The following PCNP variants were observed in gnomAD, a reference collection of about 807,000 sequenced individuals.
PCNP encodes PEST proteolytic signal containing nuclear protein, also known as PEST proteolytic signal-containing nuclear protein.
Under a neutral mutation model 21.8 loss-of-function variants are expected in PCNP, and 6 were observed. The observed-to-expected ratio is 0.28, with a 90% CI of 0.15 to 0.54. The LOEUF is 0.54. Ranked by LOEUF, PCNP falls within the 20% of genes least tolerant of loss-of-function variation. The probability of loss-of-function intolerance (pLI) is 0.95; values close to 1 mark genes in which losing one functional copy is unlikely to be tolerated. For missense variants in PCNP, 161 were observed against 215.5 expected, an observed-to-expected ratio of 0.75 and a Z score of 1.58; for synonymous variants, 67 against 73.2, an observed-to-expected ratio of 0.92 and a Z score of 0.43.
rs185486460 is a variant in PCNP, at chr3:101,581,803, C to T, written c.279+1799C>T. ...TTGCCCAGGCTGCAGTGCAATGGTG[C>T]GATCTTGGCTCACTGCAACCTCTGA... is the stretch of plus-strand genomic sequence containing the variant. On this transcript the variant is annotated intron_variant, in intron 2 of 4. Coordinates refer to ENST00000265260, the MANE Select transcript of PCNP (RefSeq NM_020357.3). Among the ~76,000 whole-genome samples, 589 of 151,946 alleles carry T rather than the reference C, an allele frequency of 3.9e-3. 3 individuals are homozygous for T. Among genetic ancestry groups the T allele is most frequent in the South Asian group, 9.0e-3 (43 of 4,802 alleles).
At chr3:101,591,482 G>A (rs1318705532) in intron 4 of PCNP, among the ~76,000 whole-genome samples, 1 of 152,182 alleles carries the variant, frequency 6.6e-6, no homozygotes, top group African/African-American at 2.4e-5. Flanking sequence ...AGTCCCAGTG[G>A]CTGCCTGCAT....
chr3:101,576,545 G>A (rs1428652256), intron 1 of PCNP: 2 of 1,610,502 alleles, frequency 1.2e-6, no homozygotes, highest in Non-Finnish European at 1.7e-6. Flanking sequence ...GTCTTGGTGT[G>A]CTGGCCTCGG....
At chr3:101,587,794 A>G (rs1935609990) in intron 3 of PCNP, among the ~76,000 whole-genome samples, 1 of 152,104 alleles carries the variant, frequency 6.6e-6, no homozygotes, top group African/African-American at 2.4e-5. Flanking sequence ...TCAGATATGT[A>G]CAGACTGTAG....
At chr3:101,590,531 C>G (rs960783464) in intron 4 of PCNP, among the ~76,000 whole-genome samples, 1 of 152,128 alleles carries the variant, frequency 6.6e-6, no homozygotes, top group African/African-American at 2.4e-5. Context: ...AAATGAGTAT[C>G]TTAAGACATA....
chr3:101,588,855 C>G (rs1935665631), intron 3 of PCNP, among the ~76,000 whole-genome samples: 1 of 152,214 alleles, frequency 6.6e-6, no homozygotes, highest in Non-Finnish European at 1.5e-5. Context: ...CACATGCTAT[C>G]AATATGCCCC....
chr3:101,592,265 C>T lies in PCNP; in HGVS notation c.411-362C>T, dbSNP rs573588645. On this transcript the variant is annotated intron_variant, in intron 4 of 4. Coordinates refer to ENST00000265260, the MANE Select transcript of PCNP (RefSeq NM_020357.3). ...CTCGGCTCACTGCAACCTCTGCCTC[C>T]CAGGTTCAAGCAGTTGTCCTGCCTC... Among the ~76,000 whole-genome samples, 4 of 152,062 alleles carry T rather than the reference C, an allele frequency of 2.6e-5. No individual in the cohort carries two copies. The East Asian group carries it at 7.7e-4, about 29-fold the overall frequency.
At chr3:101,575,475 TG>T (rs1934824066) in intron 1 of PCNP, among the ~76,000 whole-genome samples, 1 of 148,022 alleles carries the variant, frequency 6.8e-6, no homozygotes, top group African/African-American at 2.6e-5. Flanking sequence ...CCCCACCCCC[TG>T]TCTTTTTTTT....
At chr3:101,585,813 C>T (rs1202286781) in intron 3 of PCNP, among the ~76,000 whole-genome samples, 1 of 152,032 alleles carries the variant, frequency 6.6e-6, no homozygotes, top group East Asian at 1.9e-4. Flanking sequence ...AATACTGTTG[C>T]CTTAATAATT....
intron 1 of PCNP, among the ~76,000 whole-genome samples, chr3:101,577,598 C>T (rs1934994182): frequency 6.6e-6 from 1 of 152,210 alleles, no homozygotes; most frequent in Non-Finnish European, 1.5e-5. Flanking sequence ...GATCTCAGCT[C>T]ACTGCAACCT....
chr3:101,585,182 T>C (rs1160636099), intron 2 of PCNP, among the ~76,000 whole-genome samples: 1 of 152,174 alleles, frequency 6.6e-6, no homozygotes, highest in Non-Finnish European at 1.5e-5. Flanking sequence ...GTAAGTGATA[T>C]TGTAGATCCT....
At chr3:101,590,973 C>G (rs913053772) in intron 4 of PCNP, among the ~76,000 whole-genome samples, 3 of 152,040 alleles carry the variant, frequency 2.0e-5, no homozygotes, top group African/African-American at 4.8e-5. Flanking sequence ...CAGACAGGAT[C>G]TTGCTGTGTT....
At chr3:101,589,725 C>A (rs1935710889) in intron 3 of PCNP, 1 of 160,188 alleles carries the variant, frequency 6.2e-6, no homozygotes, top group African/African-American at 2.4e-5. Context: ...AATGAGCTTT[C>A]AAGATGTCTT....
chr3:101,591,641 A>T (rs184807375), intron 4 of PCNP, among the ~76,000 whole-genome samples: 1 of 152,054 alleles, frequency 6.6e-6, no homozygotes, highest in Non-Finnish European at 1.5e-5. Context: ...TGTGTAATGT[A>T]TCTTCATGTT....
At chr3:101,590,721 T>C (rs1215424857) in intron 4 of PCNP, among the ~76,000 whole-genome samples, 1 of 151,972 alleles carries the variant, frequency 6.6e-6, no homozygotes, top group African/African-American at 2.4e-5. Context: ...ATTTTTTTTT[T>C]TATTTTTAGT....
chr3:101,589,267 T>G (rs1432224022), intron 3 of PCNP, among the ~76,000 whole-genome samples: 3 of 152,180 alleles, frequency 2.0e-5, no homozygotes, highest in Non-Finnish European at 4.4e-5. Context: ...CCAGTAGAAG[T>G]CCCTTTAAGC....
chr3:101,583,949 C>T (rs1480823291), intron 2 of PCNP, among the ~76,000 whole-genome samples: 1 of 151,790 alleles, frequency 6.6e-6, no homozygotes, highest in Non-Finnish European at 1.5e-5. Context: ...CAAGCATGAG[C>T]CCCTGTGCCC....
At position 101,577,307 on chromosome 3, in the gene PCNP, G is replaced by A. The variant is rs1934971575; in HGVS notation, c.65-2483G>A. 2.0e-5 allele frequency among the ~76,000 whole-genome samples: 3 copies of A among 152,096 alleles called. No homozygotes were observed. The South Asian group carries it at 6.2e-4, about 32-fold the overall frequency. ...GAAGAGCTAGTCATACATAATCATG[G>A]CCATCTCAAGCTTTTTTGGTTATAC... On this transcript the variant is annotated intron_variant, in intron 1 of 4. Coordinates refer to ENST00000265260, the MANE Select transcript of PCNP (RefSeq NM_020357.3).
At chr3:101,583,687 AC>A (rs1935350636) in intron 2 of PCNP, among the ~76,000 whole-genome samples, 1 of 151,930 alleles carries the variant, frequency 6.6e-6, no homozygotes, top group African/African-American at 2.4e-5. Context: ...TCACTCTGTC[AC>A]CCAGGCTGGA....
intron 1 of PCNP, among the ~76,000 whole-genome samples, chr3:101,579,023 A>T (rs917543855): frequency 6.6e-6 from 1 of 152,186 alleles, no homozygotes; most frequent in African/African-American, 2.4e-5. Context: ...AAGCAAAATT[A>T]GCAAGACATT....
Sources: allele counts gnomAD v4.1 joint callset (sites outside exome capture counted in the v4.1 genomes callset), GRCh38; gene constraint gnomAD v4.1.1; transcripts MANE v1.5; gene names NCBI Gene and HGNC (gene_info 2026-07-23, HGNC 2026-07-21).